The following ZPBP variants were observed in gnomAD, a reference collection of about 807,000 sequenced individuals.
ZPBP encodes zona pellucida binding protein, also known as zona pellucida-binding protein 1.
Under a neutral mutation model 44.8 loss-of-function variants are expected in ZPBP, and 26 were observed. The observed-to-expected ratio is 0.58, with a 90% CI of 0.43 to 0.81. ZPBP has a LOEUF of 0.81. ZPBP is among the 30% of genes least tolerant of loss of function. ZPBP has a pLI of 0.00. For missense variants in ZPBP, 409 were observed against 434.0 expected, an observed-to-expected ratio of 0.94 and a Z score of 0.51; for synonymous variants, 174 against 153.2, an observed-to-expected ratio of 1.14 and a Z score of -1.00.
chr7:50,035,374 G>A (rs1024551896), intron 4 of ZPBP, among the ~76,000 whole-genome samples: 3 of 152,176 alleles, frequency 2.0e-5, no homozygotes, highest in African/African-American at 7.2e-5. Flanking sequence ...CCACTGCCTT[G>A]CTTTCTACTA....
intron 4 of ZPBP, among the ~76,000 whole-genome samples, chr7:50,040,249 A>T (rs1027402558): frequency 6.6e-6 from 1 of 152,236 alleles, no homozygotes; most frequent in African/African-American, 2.4e-5. Flanking sequence ...GATGCACTTT[A>T]AATTCAAAGG....
chr7:49,908,085 TACATCTA>T, intron 1 of ZPBP, among the ~76,000 whole-genome samples: 1 of 152,162 alleles, frequency 6.6e-6, no homozygotes, highest in Admixed American at 6.5e-5. Context: ...TGGGACAAAA[TACATCTA>T]TTTCTTTCAG....
In ZPBP at chr7:49,904,775, G is replaced by T. The variant is rs1429296705; in HGVS notation, n.412-3560C>A. Among the ~76,000 whole-genome samples, 9 of 139,494 alleles carry T rather than the reference G, an allele frequency of 6.5e-5. 1 individual carries two copies. The South Asian group carries it at 2.0e-3, about 31-fold the overall frequency. The allele number at this position is 139,494 out of a possible 152,430, so 91.5% of individuals were successfully genotyped here. A position where few individuals can be genotyped will look rare whatever the true frequency, so the allele number is the denominator to read the frequency against. On this transcript the variant is annotated intron_variant and non_coding_transcript_variant, in intron 1 of 2. Transcript: ENST00000465922. ...TTTTGAGATGGAGTATCACTCTGTC[G>T]CCCAGGTTGGAGTGCAGTGGCGCGA... is the stretch of plus-strand genomic sequence containing the variant.
At chr7:49,960,594 CAT>C (rs1415162293) in intron 7 of ZPBP, among the ~76,000 whole-genome samples, 2 of 151,992 alleles carry the variant, frequency 1.3e-5, no homozygotes, top group African/African-American at 2.4e-5. Context: ...AAATACAGCA[CAT>C]ATATCAGCAA....
At chr7:49,912,144 C>T (rs1428418971) in intron 1 of ZPBP, 20 of 1,613,840 alleles carry the variant, frequency 1.2e-5, no homozygotes, top group Middle Eastern at 1.6e-4. Context: ...GAGAATCGAG[C>T]GGCAGGCCAT....
At chr7:50,009,456 A>T (rs1452487395) in intron 6 of ZPBP, among the ~76,000 whole-genome samples, 1 of 150,240 alleles carries the variant, frequency 6.7e-6, no homozygotes, top group Non-Finnish European at 1.5e-5. Flanking sequence ...CACCCCACTT[A>T]CCCCAGCAGG....
intron 2 of ZPBP, among the ~76,000 whole-genome samples, chr7:49,884,103 C>G (rs536353350): frequency 2.1e-4 from 32 of 152,218 alleles, no homozygotes; most frequent in African/African-American, 7.5e-4. Context: ...GCAAACCTGT[C>G]AGGCTGGTAG....
intron 2 of ZPBP, among the ~76,000 whole-genome samples, chr7:49,870,717 A>G (rs898384517): frequency 6.6e-6 from 1 of 152,224 alleles, no homozygotes; most frequent in African/African-American, 2.4e-5. Context: ...AGTAGACAAC[A>G]AAGTTTCTCC....
chr7:49,861,803 G>A (rs1043492466), intron 2 of ZPBP, among the ~76,000 whole-genome samples: 3 of 152,198 alleles, frequency 2.0e-5, no homozygotes, highest in African/African-American at 7.2e-5. Context: ...TCAGTTGGAT[G>A]CAGAAGTCTG....
intron 1 of ZPBP, among the ~76,000 whole-genome samples, chr7:49,903,592 G>A (rs1291786839): frequency 6.6e-6 from 1 of 152,184 alleles, no homozygotes; most frequent in African/African-American, 2.4e-5. Flanking sequence ...AGATGGTGGG[G>A]CCAGAGAAGG....
intron 5 of ZPBP, among the ~76,000 whole-genome samples, chr7:50,026,416 A>T (rs1179430049): frequency 3.3e-5 from 5 of 151,896 alleles, no homozygotes; most frequent in African/African-American, 9.7e-5. Flanking sequence ...GCACTTGAAC[A>T]ACACTAGATC....
chr7:49,872,915 CAAAAAAA>C (rs61473396), intron 2 of ZPBP, among the ~76,000 whole-genome samples: 3 of 33,960 alleles, frequency 8.8e-5, no homozygotes, highest in Non-Finnish European at 1.6e-4. Context: ...GACTTTGTCT[CAAAAAAA>C]AAAAAAAAAA....
chr7:50,001,510 G>A (rs1035617487), intron 6 of ZPBP, among the ~76,000 whole-genome samples: 19 of 152,098 alleles, frequency 1.2e-4, no homozygotes, highest in Non-Finnish European at 4.4e-5. Context: ...CTGGTAATGC[G>A]AGGAACATAA....
chr7:50,034,452 T>C (rs1276721276), intron 4 of ZPBP, among the ~76,000 whole-genome samples: 1 of 152,196 alleles, frequency 6.6e-6, no homozygotes, highest in Non-Finnish European at 1.5e-5. Context: ...TGGGAAAATC[T>C]ATCAAATTGC....
intron 4 of ZPBP, among the ~76,000 whole-genome samples, chr7:50,048,625 T>C (rs559831844): frequency 6.6e-6 from 1 of 152,018 alleles, no homozygotes; most frequent in South Asian, 2.1e-4. Flanking sequence ...TTAGAAATAA[T>C]CTTGATATAA....
chr7:50,012,015 A>C (rs1210122533), intron 6 of ZPBP, among the ~76,000 whole-genome samples: 2 of 151,240 alleles, frequency 1.3e-5, no homozygotes, highest in East Asian at 3.9e-4. Flanking sequence ...TAGGCGACAG[A>C]GTGAGACCCC....
intron 2 of ZPBP, among the ~76,000 whole-genome samples, chr7:49,856,502 C>T (rs1337172586): frequency 6.6e-6 from 1 of 152,136 alleles, no homozygotes; most frequent in Non-Finnish European, 1.5e-5. Flanking sequence ...TAAAAATTAC[C>T]CTTTATAACA....
At chr7:49,939,154 A>G (rs2128752491) in intron 7 of ZPBP, among the ~76,000 whole-genome samples, 1 of 152,344 alleles carries the variant, frequency 6.6e-6, no homozygotes, top group East Asian at 1.9e-4. Flanking sequence ...CTCTCAAAGC[A>G]CACCTTAATA....
chr7:49,944,604 G>T, intron 7 of ZPBP, among the ~76,000 whole-genome samples: 1 of 152,042 alleles, frequency 6.6e-6, no homozygotes, highest in East Asian at 1.9e-4. Flanking sequence ...GTTCAATCTT[G>T]GTAGGCTGTA....
Sources: allele counts gnomAD v4.1 joint callset (sites outside exome capture counted in the v4.1 genomes callset), GRCh38; gene constraint gnomAD v4.1.1; transcripts MANE v1.5; gene names NCBI Gene and HGNC (gene_info 2026-07-23, HGNC 2026-07-21).